Variants in SDK2 observed in about 807,000 individuals in gnomAD.
SDK2 encodes protein sidekick-2.
In SDK2, 105 loss-of-function variants were observed where a neutral mutation model predicts 253.9. The ratio of observed to expected loss-of-function variants is 0.41; its 90% CI spans 0.35 to 0.49. SDK2 has a LOEUF of 0.49. Among genes scored for constraint, SDK2 ranks in the 20% least tolerant of loss-of-function variants. The pLI, the probability that SDK2 is intolerant of heterozygous loss-of-function variation, is 0.06. For missense variants in SDK2, 2,608 were observed against 3,003.0 expected (o/e 0.87, Z 3.07); for synonymous variants, 1,249 against 1,234.9 (o/e 1.01, Z -0.24).
intron 1 of SDK2, among the ~76,000 whole-genome samples, chr17:73,533,446 A>T (rs906023257): frequency 1.3e-5 from 2 of 152,202 alleles, no homozygotes; most frequent in African/African-American, 4.8e-5. Context: ...TTTGTGTCCC[A>T]GCAAGAGTGC....
At chr17:73,589,444 G>T (rs1400366356) in intron 1 of SDK2, among the ~76,000 whole-genome samples, 1 of 152,236 alleles carries the variant, frequency 6.6e-6, no homozygotes, top group East Asian at 1.9e-4. Flanking sequence ...AAAACCACAG[G>T]CAAGGGACGT....
chr17:73,512,440 C>G (rs1041381408), intron 1 of SDK2, among the ~76,000 whole-genome samples: 1 of 152,064 alleles, frequency 6.6e-6, no homozygotes, highest in Non-Finnish European at 1.5e-5. Flanking sequence ...TAGCCACCCT[C>G]TCTGTGGAAA....
rs1488092258 is a variant in SDK2 at position 73,511,644 on chromosome 17, C to G, written c.65-4047G>C. ...GCCTCCTGTGGTCCTCACAAGGTTCCTCTCCCCAAGCTCCTGCGGTGAAGT... is the reference window on the plus strand; with the variant it reads ...GCCTCCTGTGGTCCTCACAAGGTTCGTCTCCCCAAGCTCCTGCGGTGAAGT... On this transcript the variant is annotated intron_variant, in intron 1 of 44. Coordinates refer to ENST00000392650, the MANE Select transcript of SDK2 (RefSeq NM_001144952.2). This position sits in a 1 kb window ranked among gnomAD's most constrained non-coding sequence, Gnocchi z 4.9. 2.0e-5 allele frequency among the ~76,000 whole-genome samples: 3 copies of G among 152,174 alleles called. No homozygotes were observed. Among genetic ancestry groups the G allele is most frequent in the African/African-American group, 7.2e-5 (3 of 41,442 alleles).
In SDK2 at chr17:73,361,395, C is replaced by T. The variant is rs554688133; in HGVS notation, c.5467+289G>A. Among the ~76,000 whole-genome samples, 30 of 152,326 alleles carry T rather than the reference C, an allele frequency of 2.0e-4. 1 individual carries two copies. The South Asian group carries it at 5.6e-3, about 28-fold the overall frequency. On this transcript the variant is annotated intron_variant, in intron 39 of 44. Transcript: ENST00000392650. This position sits in a 1 kb window ranked among gnomAD's most constrained non-coding sequence, Gnocchi z 4.1. The stretch of plus-strand genomic sequence containing the variant: ...ATGCAATTAGCAGGGAGAGAAAGAA[C>T]GAAGCAGGCGCAGTGGCCAGGCCAG...
chr17:73,461,975 T>C (rs2063565375), intron 3 of SDK2, among the ~76,000 whole-genome samples: 1 of 152,102 alleles, frequency 6.6e-6, no homozygotes, highest in African/African-American at 2.4e-5. Flanking sequence ...GATGGTTACA[T>C]ATGCATGTAT....
chr17:73,468,959 G>A (rs533672145), intron 3 of SDK2, among the ~76,000 whole-genome samples: 4 of 151,650 alleles, frequency 2.6e-5, no homozygotes, highest in African/African-American at 9.7e-5. Context: ...CGAGTAGCTG[G>A]GATTAAAGGT....
intron 1 of SDK2, among the ~76,000 whole-genome samples, chr17:73,531,655 G>C (rs969359131): frequency 6.6e-6 from 1 of 152,142 alleles, no homozygotes; most frequent in East Asian, 1.9e-4. Context: ...CTTAATTAAA[G>C]GTATTTCTAA....
Position 73,390,342 on chromosome 17 carries a change from G to T in SDK2, c.4137C>A (p.Thr1379=). ...CGGCAGCTTCTCCCCAGCCCTTGCGGGTCTGGGCCGTGATGCGGAACAGGT... is the reference window on the plus strand; with the variant it reads ...CGGCAGCTTCTCCCCAGCCCTTGCGTGTCTGGGCCGTGATGCGGAACAGGT... ...SVYLFRITAQ[T]RKGWGEAAEA... The change falls in exon 29 of 45, where the codon ACC becomes ACA. Residue 1379 remains threonine (T), a synonymous_variant. Coordinates refer to ENST00000392650, the MANE Select transcript of SDK2 (RefSeq NM_001144952.2). 6.2e-7 allele frequency: 1 copy of T among 1,610,144 alleles called. No individual in the cohort carries two copies.
Position 73,399,233 on chromosome 17 carries a change from T to A in SDK2, c.3028A>T (p.Thr1010Ser), listed in dbSNP as rs748855253. ...GISNIGPRSVTLQFRPGYDGK... is the reference protein window; with the variant it reads ...GISNIGPRSVSLQFRPGYDGK... ...TCGTAGCCTGGCCTGAACTGCAAGG[T>A]CACAGAGCGGGGGCCGATGTTGGAA... is the stretch of plus-strand genomic sequence containing the variant. The change falls in exon 22 of 45, where the codon ACC becomes TCC. Residue 1010 changes from threonine to serine, a missense_variant. Transcript: ENST00000392650. 9 of 1,613,794 alleles carry A rather than the reference T, an allele frequency of 5.6e-6. No homozygotes were observed. The highest frequency in any genetic ancestry group is 6.8e-6 in the Non-Finnish European group (8 of 1,179,822).
intron 2 of SDK2, chr17:73,504,425 A>C (rs1449292371): frequency 6.6e-6 from 1 of 151,754 alleles, no homozygotes; most frequent in Non-Finnish European, 1.5e-5. Flanking sequence ...CAGCAGATCG[A>C]GACCATCCTG....
chr17:73,472,291 A>G lies in SDK2; in HGVS notation c.225-73T>C, dbSNP rs924698831. ...GGTACAGAGGTCAGATTGGGCTCAG[A>G]GGTCAGAGGTCGCCAGGTCACCCTC... is the stretch of plus-strand genomic sequence containing the variant. On this transcript the variant is annotated intron_variant, in intron 2 of 44. Transcript: ENST00000392650. 3.0e-5 allele frequency: 32 copies of G among 1,057,670 alleles called. No individual in the cohort carries two copies. The Admixed American group carries it at 6.5e-4, about 22-fold the overall frequency. The allele number at this position is 1,057,670 out of a possible 1,614,324, so 65.5% of individuals were successfully genotyped here.
intron 1 of SDK2, among the ~76,000 whole-genome samples, chr17:73,581,227 C>T (rs528962674): frequency 1.3e-5 from 2 of 152,206 alleles, no homozygotes; most frequent in East Asian, 3.9e-4. Flanking sequence ...CAATCTGTAC[C>T]TTTAACAGCA....
intron 40 of SDK2, among the ~76,000 whole-genome samples, chr17:73,354,204 G>A (rs1183038275): frequency 6.6e-6 from 1 of 152,192 alleles, no homozygotes; most frequent in East Asian, 1.9e-4. Flanking sequence ...ACCGCGCTCA[G>A]CCAACAGGAA....
At chr17:73,448,847 G>T (rs968268193) in intron 4 of SDK2, among the ~76,000 whole-genome samples, 1 of 151,932 alleles carries the variant, frequency 6.6e-6, no homozygotes, top group African/African-American at 2.4e-5. Flanking sequence ...TTTTAGTAAA[G>T]ACAGGGTTTT....
intron 1 of SDK2, among the ~76,000 whole-genome samples, chr17:73,634,906 G>C (rs1400467127): frequency 6.6e-6 from 1 of 151,980 alleles, no homozygotes; most frequent in East Asian, 1.9e-4. Context: ...GCATAGACAG[G>C]GTGTGTAACT....
intron 2 of SDK2, among the ~76,000 whole-genome samples, chr17:73,505,392 A>C (rs2063926717): frequency 1.3e-5 from 2 of 152,254 alleles, no homozygotes; most frequent in Non-Finnish European, 2.9e-5. Context: ...GCAGGATTAA[A>C]TGAGATAATC....
intron 1 of SDK2, among the ~76,000 whole-genome samples, chr17:73,567,655 G>A (rs907913274): frequency 6.6e-6 from 1 of 152,260 alleles, no homozygotes; most frequent in Non-Finnish European, 1.5e-5. Context: ...CCCAGGCCTT[G>A]GGAGCCCAAC....
chr17:73,408,192 G>C (rs8067289), intron 18 of SDK2, among the ~76,000 whole-genome samples: 141,555 of 149,004 alleles, frequency 0.95, 67,378 homozygotes, highest in Non-Finnish European at 0.99. Flanking sequence ...GCTGAGATTA[G>C]AGGCATGTAC....
intron 2 of SDK2, among the ~76,000 whole-genome samples, chr17:73,487,329 G>A (rs1289921027): frequency 3.3e-5 from 5 of 152,266 alleles, no homozygotes; most frequent in Non-Finnish European, 5.9e-5. Context: ...TGGGTTGAAA[G>A]TTGGGCTGAC....
Sources: gnomAD v4.1 joint callset for allele counts (sites outside exome capture counted in the v4.1 genomes callset) on GRCh38, gnomAD v4.1.1 for gene constraint, Gnocchi (gnomAD v3.1) non-coding constraint, MANE v1.5 for transcripts, NCBI Gene and HGNC (gene_info 2026-07-23, HGNC 2026-07-21) for gene names.